ZNF641: variants seen among roughly 807,000 people sequenced by gnomAD.
ZNF641 encodes zinc finger protein 641.
A neutral mutation model predicts 46.2 loss-of-function variants in ZNF641; 26 were observed. That is an observed-to-expected ratio of 0.56 (90% CI 0.41 to 0.78). The LOEUF is 0.78. Among genes scored for constraint, ZNF641 ranks in the 30% least tolerant of loss-of-function variants. The pLI is 0.00. For missense variants in ZNF641, 469 were observed against 517.8 expected (o/e 0.91, Z 0.91); for synonymous variants, 163 against 187.9 (o/e 0.87, Z 1.09).
chr12:48,349,098 A>G (rs1166589988), intron 1 of ZNF641, among the ~76,000 whole-genome samples: 1 of 152,250 alleles, frequency 6.6e-6, no homozygotes, highest in East Asian at 1.9e-4. Context: ...AGGCTGATGA[A>G]TGATGCTACT....
Position 48,340,548 on chromosome 12 carries a change from C to A in ZNF641, c.*2425G>T. 1.0e-6 allele frequency: 1 copy of A among 985,376 alleles called. No individual in the cohort carries two copies. The highest frequency in any genetic ancestry group is 1.7e-5 in the African/African-American group (1 of 57,350). The allele number at this position is 985,376 out of a possible 1,614,324, so 61.0% of individuals were successfully genotyped here. A position where few individuals can be genotyped will look rare whatever the true frequency, so the allele number is the denominator to read the frequency against. ...CACTGATGCCTCTGGTACCTTAATC[C>A]TTAAAATATTTAGTGACCCTTGCCT... On this transcript the variant is annotated 3_prime_UTR_variant, in exon 6 of 6. Coordinates refer to ENST00000547026, the MANE Select transcript of ZNF641 (RefSeq NM_001172681.2).
chr12:48,348,186 G>C lies in ZNF641; in HGVS notation c.-25-71C>G. On this transcript the variant is annotated intron_variant, in intron 1 of 5. Transcript: ENST00000547026. ...GTGATATTTCTAAGGGAGTTATGAAGAACAGGCCCAGGGATAATAGACAAA... is the reference window on the plus strand; with the variant it reads ...GTGATATTTCTAAGGGAGTTATGAACAACAGGCCCAGGGATAATAGACAAA... 7.3e-6 allele frequency: 11 copies of C among 1,505,142 alleles called. No individual in the cohort carries two copies. In the South Asian group the frequency reaches 1.3e-4, roughly 17 times the overall value. The allele number at this position is 1,505,142 out of a possible 1,614,324, so 93.2% of individuals were successfully genotyped here. A position where few individuals can be genotyped will look rare whatever the true frequency, so the allele number is the denominator to read the frequency against.
chr12:48,337,806 G>GT lies in ZNF641; in HGVS notation c.*5166dup, dbSNP rs1286352493. The GT allele has an allele frequency of 6.6e-6, 1 of 151,538 alleles. No individual in the cohort carries two copies. The highest frequency in any genetic ancestry group is 1.5e-5 in the Non-Finnish European group (1 of 68,010). The allele number at this position is 151,538 out of a possible 1,614,324, so 9.4% of individuals were successfully genotyped here. On this transcript the variant is annotated 3_prime_UTR_variant, in exon 6 of 6. Coordinates refer to ENST00000547026, the MANE Select transcript of ZNF641 (RefSeq NM_001172681.2). ...ATCGCGTCACTGCACTCCAGCCTGG[G>GT]TGACAGAGCAAGACTCCATCTCAAA... is the stretch of plus-strand genomic sequence containing the variant.
intron 3 of ZNF641, among the ~76,000 whole-genome samples, chr12:48,345,733 T>A (rs986375472): frequency 2.0e-5 from 3 of 152,170 alleles, no homozygotes; most frequent in African/African-American, 7.2e-5. Context: ...GGAGGCACCA[T>A]AAACTCATCA....
intron 3 of ZNF641, among the ~76,000 whole-genome samples, chr12:48,346,685 C>T (rs1952880833): frequency 6.6e-6 from 1 of 152,172 alleles, no homozygotes; most frequent in Non-Finnish European, 1.5e-5. Context: ...TTAAAATCCT[C>T]CTGTGGATAA....
In ZNF641 at chr12:48,340,517, T is replaced by C; in HGVS notation, c.*2456A>G. 1 of 971,206 alleles carries C rather than the reference T, an allele frequency of 1.0e-6. No individual in the cohort carries two copies. Among genetic ancestry groups the C allele is most frequent in the Non-Finnish European group, 1.2e-6 (1 of 823,234 alleles). The allele number at this position is 971,206 out of a possible 1,614,324, so 60.2% of individuals were successfully genotyped here. A position where few individuals can be genotyped will look rare whatever the true frequency, so the allele number is the denominator to read the frequency against. The stretch of plus-strand genomic sequence containing the variant: ...CGTAATTAAAGACCAGACTCCATCC[T>C]TATACCACTGATGCCTCTGGTACCT... On this transcript the variant is annotated 3_prime_UTR_variant, in exon 6 of 6. Coordinates refer to ENST00000547026, the MANE Select transcript of ZNF641 (RefSeq NM_001172681.2).
At chr12:48,335,079 T>C (rs912661911), downstream of ZNF641, among the ~76,000 whole-genome samples, 1 of 152,208 alleles carries the variant, frequency 6.6e-6, no homozygotes, top group African/African-American at 2.4e-5. Context: ...ATAACCAAGA[T>C]GGAATCACTA....
In ZNF641 at chr12:48,345,352, G is replaced by A. The variant is rs1357103981; in HGVS notation, c.399C>T (p.Val133=). 2 of 1,613,842 alleles carry A rather than the reference G, an allele frequency of 1.2e-6. No homozygotes were observed. Among genetic ancestry groups the A allele is most frequent in the Non-Finnish European group, 1.7e-6 (2 of 1,179,922 alleles). The part of the protein sequence containing the change: ...YVMQENCGIV[V]SLRFPIPKLD... The stretch of plus-strand genomic sequence containing the variant: ...GGAGAAGGTCATGCTTACTCAGAGA[G>A]ACTACTATCCCACAGTTTTCCTGCA... The change falls in exon 4 of 6, where the codon GTC becomes GTT. Residue 133 remains valine (V), a synonymous_variant. Coordinates refer to ENST00000547026, the MANE Select transcript of ZNF641 (RefSeq NM_001172681.2).
Position 48,344,697 on chromosome 12 carries a change from T to G in ZNF641, c.422A>C (p.Lys141Thr). Residue 141 changes from lysine to threonine, a missense_variant, in exon 5 of 6, where the codon AAA (lysine) becomes ACA (threonine). Transcript: ENST00000547026. ...TTCTAGTTGAGAAAGCATGTCCAGT[T>G]TGGGAATTGGAAATCCTGCTCATGG... ...IVVSLRFPIP[K>T]LDMLSQLEGG... 6.2e-7 allele frequency: 1 copy of G among 1,610,432 alleles called. No individual in the cohort carries two copies. The highest frequency in any genetic ancestry group is 8.5e-7 in the Non-Finnish European group (1 of 1,178,656).
Position 48,350,796 on chromosome 12 carries a change from C to T in ZNF641, c.-36G>A. On this transcript the variant is annotated 5_prime_UTR_variant, in exon 1 of 6. Coordinates refer to ENST00000547026, the MANE Select transcript of ZNF641 (RefSeq NM_001172681.2). ...CCCGGCTCCACTCACCCCCGGTAGGCTTGGCCCGCGGCCCGGTGCCTCCCT... is the reference window on the plus strand; with the variant it reads ...CCCGGCTCCACTCACCCCCGGTAGGTTTGGCCCGCGGCCCGGTGCCTCCCT... 1.0e-6 allele frequency: 1 copy of T among 983,758 alleles called. No individual in the cohort carries two copies. Among genetic ancestry groups the T allele is most frequent in the Non-Finnish European group, 1.2e-6 (1 of 828,408 alleles). 60.9% of individuals were successfully genotyped at this position (983,758 alleles called of 1,614,324 possible). A position where few individuals can be genotyped will look rare whatever the true frequency, so the allele number is the denominator to read the frequency against.
intron 1 of ZNF641, chr12:48,350,568 G>A (rs546614886): frequency 9.4e-4 from 154 of 163,486 alleles, no homozygotes; most frequent in African/African-American, 3.6e-3. Flanking sequence ...ACAGCGGCGG[G>A]AGCCCGCAGG....
rs1033177491 is a variant in ZNF641 at position 48,340,295 on chromosome 12, G to A, written c.*2678C>T. On this transcript the variant is annotated 3_prime_UTR_variant, in exon 6 of 6. Coordinates refer to ENST00000547026, the MANE Select transcript of ZNF641 (RefSeq NM_001172681.2). ...TGCTATACTTGCACCTAACTCTGGG[G>A]GCTTCACTTTCTATCCCTACAATTA... 1.0e-6 allele frequency: 1 copy of A among 985,200 alleles called. No individual in the cohort carries two copies. The highest frequency in any genetic ancestry group is 1.7e-5 in the African/African-American group (1 of 57,204). 61.0% of individuals were successfully genotyped at this position (985,200 alleles called of 1,614,324 possible). A position where few individuals can be genotyped will look rare whatever the true frequency, so the allele number is the denominator to read the frequency against.
rs1317351417 is a variant in ZNF641, at chr12:48,341,682, TAAAAC to T, written c.*1286_*1290del. 33 of 985,432 alleles carry T rather than the reference TAAAAC, an allele frequency of 3.3e-5. No individual in the cohort carries two copies. In the African/African-American group the frequency reaches 5.2e-4, roughly 16 times the overall value. 61.0% of individuals were successfully genotyped at this position (985,432 alleles called of 1,614,324 possible). A position where few individuals can be genotyped will look rare whatever the true frequency, so the allele number is the denominator to read the frequency against. On this transcript the variant is annotated 3_prime_UTR_variant, in exon 6 of 6. Transcript: ENST00000547026. The stretch of plus-strand genomic sequence containing the variant: ...ATTCCTGCCCTAATTTTCCAGCACT[TAAAAC>T]AAAATCCCCACTCAATACAAAGTTT...
At chr12:48,348,540 CAGA>C (rs137963845) in intron 1 of ZNF641, among the ~76,000 whole-genome samples, 8,655 of 152,256 alleles carry the variant, frequency 0.057, 333 homozygotes, top group Non-Finnish European at 0.091. Context: ...TGTAATCACA[CAGA>C]AGATTTTCTG....
At chr12:48,347,465 T>A in intron 2 of ZNF641, 122 bp from the exon 3 acceptor site, 1 of 810,590 alleles carries the variant, frequency 1.2e-6, no homozygotes, top group Non-Finnish European at 1.9e-6. Context: ...TTGGTAAAAC[T>A]CAAATGCATA....
At chr12:48,343,888 T>C (rs1371121241) in intron 5 of ZNF641, among the ~76,000 whole-genome samples, 161 bp from the exon 6 acceptor site, 1 of 152,118 alleles carries the variant, frequency 6.6e-6, no homozygotes, top group Non-Finnish European at 1.5e-5. Context: ...GTGCAATAGA[T>C]ATAGAGGTTA....
chr12:48,334,839 G>A (rs899925065), downstream of ZNF641, among the ~76,000 whole-genome samples: 10 of 152,172 alleles, frequency 6.6e-5, no homozygotes, highest in Admixed American at 2.6e-4. Flanking sequence ...AGACAGCGCC[G>A]GTGGGACCGC....
In ZNF641 at chr12:48,338,060, T is replaced by A. The variant is rs1197325652; in HGVS notation, c.*4913A>T. 6.6e-6 allele frequency: 1 copy of A among 152,622 alleles called. No individual in the cohort carries two copies. Among genetic ancestry groups the A allele is most frequent in the African/African-American group, 2.4e-5 (1 of 41,410 alleles). The allele number at this position is 152,622 out of a possible 1,614,324, so 9.5% of individuals were successfully genotyped here. Reference sequence around the variant, plus strand: ...AGGGGCAGAGTGGTGAGGTGGCTGATGAACTGCTATAGCCAAGCCAAGAAT... The same window carrying A: ...AGGGGCAGAGTGGTGAGGTGGCTGAAGAACTGCTATAGCCAAGCCAAGAAT... On this transcript the variant is annotated 3_prime_UTR_variant, in exon 6 of 6. Transcript: ENST00000547026.
rs57175055 is a variant in ZNF641, at chr12:48,339,912, A to G, written c.*3061T>C. 4,011 of 984,292 alleles carry G rather than the reference A, an allele frequency of 4.1e-3. 137 individuals carry two copies. In the African/African-American group the frequency reaches 0.064, roughly 16 times the overall value. The allele number at this position is 984,292 out of a possible 1,614,324, so 61.0% of individuals were successfully genotyped here. ...GTCTCCTATGCAAGGGATTCTTTGAAAGATACTATGTTGGGGTGGAAAGGG... is the reference window on the plus strand; with the variant it reads ...GTCTCCTATGCAAGGGATTCTTTGAGAGATACTATGTTGGGGTGGAAAGGG... On this transcript the variant is annotated 3_prime_UTR_variant, in exon 6 of 6. Transcript: ENST00000547026.
Sources: gnomAD v4.1 joint callset for allele counts (sites outside exome capture counted in the v4.1 genomes callset) on GRCh38, gnomAD v4.1.1 for gene constraint, MANE v1.5 for transcripts, NCBI Gene and HGNC (gene_info 2026-07-23, HGNC 2026-07-21) for gene names.